ZNF469: variants seen among roughly 807,000 people sequenced by gnomAD.
ZNF469 encodes the protein zinc finger protein 469.
A neutral mutation model predicts 1.0 loss-of-function variants in ZNF469; 1 was observed. The ratio of observed to expected loss-of-function variants is 1.00; its 90% CI spans 0.35 to 4.73. ZNF469 has a LOEUF of 4.73. Ranked by LOEUF, ZNF469 falls within the 30% of genes most tolerant of loss-of-function variation. ZNF469 has a pLI of 0.16. For synonymous variants in ZNF469, 2,703 were observed against 2,363.4 expected (o/e 1.14, Z -4.17); for missense variants, 6,100 against 5,356.3 (o/e 1.14, Z -4.33).
the ZNF469 span, among the ~76,000 whole-genome samples, chr16:88,152,555 G>GCC: frequency 6.6e-6 from 1 of 152,158 alleles, no homozygotes; most frequent in Non-Finnish European, 1.5e-5. This position sits in a 1 kb window ranked among gnomAD's most constrained non-coding sequence, Gnocchi z 4.2. Flanking sequence ...CTTCTGTTGA[G>GCC]CCCCCCTGTG....
chr16:88,159,193 G>A, the ZNF469 span, among the ~76,000 whole-genome samples: 1 of 66,176 alleles, frequency 1.5e-5, no homozygotes, highest in African/African-American at 4.0e-5. Context: ...GGTCACGGAT[G>A]CTCACAGGGC....
the ZNF469 span, among the ~76,000 whole-genome samples, chr16:88,244,900 A>G: frequency 6.6e-6 from 1 of 151,886 alleles, no homozygotes; most frequent in African/African-American, 2.4e-5. Flanking sequence ...CTTGGTGCCA[A>G]TGACAAGAAG....
the ZNF469 span, among the ~76,000 whole-genome samples, chr16:88,168,977 C>G: frequency 6.6e-6 from 1 of 152,082 alleles, no homozygotes; most frequent in Non-Finnish European, 1.5e-5. The surrounding 1 kb of genome is among the most constrained non-coding windows in gnomAD (Gnocchi z 4.3). Flanking sequence ...GGGGGGCCTC[C>G]TCGTGTGTGG....
chr16:88,149,111 A>G, the ZNF469 span, among the ~76,000 whole-genome samples: 1 of 149,288 alleles, frequency 6.7e-6, no homozygotes, highest in African/African-American at 2.5e-5. Flanking sequence ...CATTGTTCAG[A>G]GTCAGAAGCT....
the ZNF469 span, among the ~76,000 whole-genome samples, chr16:88,112,761 C>T: frequency 5.6e-4 from 78 of 139,844 alleles, no homozygotes; most frequent in African/African-American, 2.0e-3. Flanking sequence ...GCTCTCTCTG[C>T]TGTGCAGAAG....
chr16:88,123,271 T>C, the ZNF469 span, among the ~76,000 whole-genome samples: 1 of 152,170 alleles, frequency 6.6e-6, no homozygotes, highest in South Asian at 2.1e-4. Flanking sequence ...ATGCACTGGC[T>C]GTGTGTCTGT....
the ZNF469 span, among the ~76,000 whole-genome samples, chr16:88,173,280 C>T: frequency 0.086 from 13,065 of 152,202 alleles, 665 homozygotes; most frequent in Admixed American, 0.16. Flanking sequence ...GATCTCTTGA[C>T]AGAAACCATG....
intron 1 of ZNF469, among the ~76,000 whole-genome samples, chr16:88,412,048 G>A (rs938426767): frequency 4.6e-5 from 7 of 152,296 alleles, no homozygotes; most frequent in African/African-American, 1.2e-4. Flanking sequence ...TGCCAGAGCC[G>A]AGTCAGCCTC....
At chr16:88,142,276 C>T in the ZNF469 span, among the ~76,000 whole-genome samples, 2 of 152,230 alleles carry the variant, frequency 1.3e-5, no homozygotes, top group Non-Finnish European at 2.9e-5. Context: ...GAGCAGGTTC[C>T]CTGGGCTCTC....
At chr16:88,144,228 G>A in the ZNF469 span, among the ~76,000 whole-genome samples, 8 of 152,224 alleles carry the variant, frequency 5.3e-5, no homozygotes, top group South Asian at 2.1e-4. Context: ...GGCGGGGGGC[G>A]TCTCTCTGGT....
the ZNF469 span, among the ~76,000 whole-genome samples, chr16:88,205,976 A>G: frequency 3.3e-5 from 5 of 152,140 alleles, no homozygotes; most frequent in Non-Finnish European, 5.9e-5. This position sits in a 1 kb window ranked among gnomAD's most constrained non-coding sequence, Gnocchi z 4.2. Context: ...CCAGCCCATG[A>G]CAGGCCTGAA....
chr16:88,141,952 G>A, the ZNF469 span, among the ~76,000 whole-genome samples: 4 of 152,242 alleles, frequency 2.6e-5, no homozygotes, highest in African/African-American at 7.2e-5. Flanking sequence ...GAATGCATTC[G>A]TGTTGTTTCA....
the ZNF469 span, among the ~76,000 whole-genome samples, chr16:88,140,588 T>G: frequency 6.6e-6 from 1 of 152,220 alleles, no homozygotes; most frequent in Non-Finnish European, 1.5e-5. Context: ...AAATATACTC[T>G]AAAACTGTGT....
At chr16:88,349,128 A>C in the ZNF469 span, among the ~76,000 whole-genome samples, 389 of 152,078 alleles carry the variant, frequency 2.6e-3, 4 homozygotes, top group African/African-American at 8.8e-3. Context: ...CTGGAAAAAG[A>C]AGCAAGCAGC....
the ZNF469 span, among the ~76,000 whole-genome samples, chr16:88,376,165 C>T: frequency 9.9e-5 from 15 of 152,264 alleles, no homozygotes; most frequent in African/African-American, 2.9e-4. Flanking sequence ...TGCACGCCTT[C>T]GCCAGTCGCC....
chr16:88,429,655 G>A lies in ZNF469; in HGVS notation c.2185G>A (p.Val729Met), dbSNP rs895819123. The A allele has an allele frequency of 1.3e-6, 2 of 1,542,688 alleles. No individual in the cohort carries two copies. Among genetic ancestry groups the A allele is most frequent in the Non-Finnish European group, 1.8e-6 (2 of 1,142,010 alleles). ...CAGCGCCAGCCTGGACCAGCTGGAC[G>A]TGCTGCTGACCTGCAGGCAGTGTGA... ...LSSASLDQLD[V>M]LLTCRQCDRN... is the part of the protein sequence containing the mutation. The change falls in exon 3 of 3, where the codon GTG (valine) becomes ATG (methionine). Residue 729 changes from valine to methionine, a missense_variant. By Grantham distance (21) the Val-to-Met change is conservative. Coordinates refer to ENST00000565624, the MANE Select transcript of ZNF469 (RefSeq NM_001367624.2).
the ZNF469 span, among the ~76,000 whole-genome samples, chr16:88,169,806 C>A: frequency 3.3e-5 from 5 of 152,276 alleles, no homozygotes; most frequent in South Asian, 8.3e-4. The surrounding 1 kb of genome is among the most constrained non-coding windows in gnomAD (Gnocchi z 6.1). Context: ...CCATGCCACG[C>A]TCCCACCAGC....
chr16:88,317,336 C>A, the ZNF469 span, among the ~76,000 whole-genome samples: 2,206 of 152,354 alleles, frequency 0.014, 63 homozygotes, highest in African/African-American at 0.05. Context: ...GCTCACAGCA[C>A]CTCACCTGTT....
chr16:88,225,762 C>A, the ZNF469 span, among the ~76,000 whole-genome samples: 1 of 152,192 alleles, frequency 6.6e-6, no homozygotes. Context: ...TGCCTATGAA[C>A]CAGGAAGGGG....
Sources: gnomAD v4.1 joint callset for allele counts (sites outside exome capture counted in the v4.1 genomes callset) on GRCh38, gnomAD v4.1.1 for gene constraint, Gnocchi (gnomAD v3.1) non-coding constraint, MANE v1.5 for transcripts, NCBI Gene and HGNC (gene_info 2026-07-23, HGNC 2026-07-21) for gene names.